The following SAMMSON variants were observed in gnomAD, a reference collection of about 807,000 sequenced individuals.
SAMMSON encodes survival associated mitochondrial melanoma specific oncogenic non-coding RNA, also known as long intergenic non-protein coding RNA 1212.
chr3:70,103,941 T>C (rs968552327), intron 4 of SAMMSON, among the ~76,000 whole-genome samples: 2 of 152,114 alleles, frequency 1.3e-5, no homozygotes, highest in African/African-American at 4.8e-5. Flanking sequence ...CTGAGACTAT[T>C]TGCATGAAAA....
chr3:70,079,769 G>A (rs1462644317), intron 4 of SAMMSON, among the ~76,000 whole-genome samples: 1 of 152,100 alleles, frequency 6.6e-6, no homozygotes, highest in African/African-American at 2.4e-5. Context: ...ACTGTAAGTC[G>A]AGAGGCATCT....
At chr3:70,119,216 G>A (rs185155710) in intron 4 of SAMMSON, among the ~76,000 whole-genome samples, 29 of 152,032 alleles carry the variant, frequency 1.9e-4, no homozygotes, top group African/African-American at 5.5e-4. Flanking sequence ...ACAGGCGCCC[G>A]CCACCACACC....
At chr3:70,020,933 A>G (rs547237894) in intron 3 of SAMMSON, among the ~76,000 whole-genome samples, 6 of 152,304 alleles carry the variant, frequency 3.9e-5, no homozygotes, top group African/African-American at 1.4e-4. Context: ...AGAAAGTGAG[A>G]AAATGGCAGA....
chr3:70,239,486 T>A (rs972947560), intron 4 of SAMMSON, among the ~76,000 whole-genome samples: 1 of 151,866 alleles, frequency 6.6e-6, no homozygotes, highest in Non-Finnish European at 1.5e-5. Flanking sequence ...CATGGTTTGA[T>A]CATTATTGTT....
intron 4 of SAMMSON, among the ~76,000 whole-genome samples, chr3:70,189,611 A>G (rs1466840956): frequency 6.6e-6 from 1 of 152,216 alleles, no homozygotes; most frequent in Non-Finnish European, 1.5e-5. Flanking sequence ...GGCAGATGAA[A>G]AGGTAAAAAA....
chr3:70,016,383 C>A (rs976104081), intron 3 of SAMMSON, among the ~76,000 whole-genome samples: 3 of 151,970 alleles, frequency 2.0e-5, no homozygotes, highest in African/African-American at 7.3e-5. Flanking sequence ...ACATTGAGAT[C>A]CTTTTGAGAA....
intron 3 of SAMMSON, among the ~76,000 whole-genome samples, chr3:70,019,501 A>G (rs1056741265): frequency 1.3e-5 from 2 of 152,126 alleles, no homozygotes; most frequent in Admixed American, 1.3e-4. Flanking sequence ...GGGTCTCCTG[A>G]ATACAGCGCA....
intron 7 of SAMMSON, among the ~76,000 whole-genome samples, chr3:70,345,706 C>G (rs1363825713): frequency 2.0e-5 from 3 of 152,170 alleles, no homozygotes; most frequent in Non-Finnish European, 4.4e-5. Context: ...CATTGTTTTG[C>G]CTATTCCAGA....
In SAMMSON at chr3:70,139,023, A is replaced by G. The variant is rs562510182; in HGVS notation, n.507+67458A>G. Among the ~76,000 whole-genome samples, 79 of 152,274 alleles carry G rather than the reference A, an allele frequency of 5.2e-4. 1 individual carries two copies. Among genetic ancestry groups the G allele is most frequent in the Admixed American group, 1.7e-3 (26 of 15,292 alleles). On this transcript the variant is annotated intron_variant and non_coding_transcript_variant, in intron 4 of 9. Coordinates refer to ENST00000642114, the Ensembl canonical transcript of SAMMSON. ...TATTTGAAATTGTGTAAATTAATAC[A>G]TTTTGATATATCTTCATTACAGAGC...
chr3:70,362,013 GA>G (rs1702875196), intron 9 of SAMMSON, among the ~76,000 whole-genome samples: 1 of 152,106 alleles, frequency 6.6e-6, no homozygotes, highest in African/African-American at 2.4e-5. Flanking sequence ...TTCCCGAGAT[GA>G]ATGTTTACAC....
At chr3:70,129,442 A>G (rs2067472702) in intron 4 of SAMMSON, among the ~76,000 whole-genome samples, 1 of 152,208 alleles carries the variant, frequency 6.6e-6, no homozygotes, top group Non-Finnish European at 1.5e-5. Flanking sequence ...ACATTCGAGT[A>G]TCTTTTAAAA....
At chr3:70,264,602 G>A (rs1225248527) in intron 6 of SAMMSON, among the ~76,000 whole-genome samples, 1 of 152,208 alleles carries the variant, frequency 6.6e-6, no homozygotes, top group Non-Finnish European at 1.5e-5. Flanking sequence ...CATATACTAA[G>A]TCACTCATCT....
chr3:70,096,334 A>G (rs2067322721), intron 4 of SAMMSON, among the ~76,000 whole-genome samples: 1 of 152,198 alleles, frequency 6.6e-6, no homozygotes, highest in Non-Finnish European at 1.5e-5. Context: ...GCTTGAGGCC[A>G]GGAGTTTGAG....
At chr3:70,227,014 A>G (rs889627617) in intron 4 of SAMMSON, among the ~76,000 whole-genome samples, 1 of 152,122 alleles carries the variant, frequency 6.6e-6, no homozygotes, top group African/African-American at 2.4e-5. Flanking sequence ...ACCTCGAAAA[A>G]ATACATGCAT....
chr3:70,239,216 C>T (rs1229590080), intron 4 of SAMMSON, among the ~76,000 whole-genome samples: 1 of 152,168 alleles, frequency 6.6e-6, no homozygotes, highest in Non-Finnish European at 1.5e-5. Context: ...TCAACTATGT[C>T]ATGAAATTTA....
intron 4 of SAMMSON, among the ~76,000 whole-genome samples, chr3:70,124,836 A>AAAAAAAAAAAAAAAAAAAAAAAAAAAAC (rs1559519155): frequency 6.7e-6 from 1 of 148,898 alleles, no homozygotes; most frequent in African/African-American, 2.5e-5. Context: ...AAAAAAAAAA[A>AAAAAAAAAAAAAAAAAAAAAAAAAAAAC]AAAGAAAGAA....
chr3:70,272,218 C>A (rs1434320317), intron 6 of SAMMSON: 10 of 152,174 alleles, frequency 6.6e-5, no homozygotes, highest in African/African-American at 2.2e-4. Context: ...AAAGTGCACA[C>A]CATCACAATT....
chr3:70,337,009 C>T (rs1214209060), intron 7 of SAMMSON, among the ~76,000 whole-genome samples: 1 of 143,070 alleles, frequency 7.0e-6, no homozygotes, highest in Non-Finnish European at 1.5e-5. Context: ...TAATATCTAA[C>T]TTAATATTAT....
At chr3:70,346,080 C>T (rs1178948808) in intron 7 of SAMMSON, among the ~76,000 whole-genome samples, 1 of 152,128 alleles carries the variant, frequency 6.6e-6, no homozygotes, top group South Asian at 2.1e-4. Flanking sequence ...GTGGTTGAAC[C>T]ACTCTGTGTT....
Sources: gnomAD v4.1 joint callset for allele counts (sites outside exome capture counted in the v4.1 genomes callset) on GRCh38, gnomAD v4.1.1 for gene constraint, MANE v1.5 for transcripts, NCBI Gene and HGNC (gene_info 2026-07-23, HGNC 2026-07-21) for gene names.